Variants in YWHAE observed in about 807,000 individuals in gnomAD.
The protein encoded by YWHAE is 14-3-3 protein epsilon.
A neutral mutation model predicts 30.1 loss-of-function variants in YWHAE; 4 were observed. The observed-to-expected ratio is 0.13, with a 90% CI of 0.07 to 0.30. The LOEUF is 0.30. YWHAE is among the 10% of genes least tolerant of loss of function. The pLI, the probability that YWHAE is intolerant of heterozygous loss-of-function variation, is 1.00. For synonymous variants in YWHAE, 118 were observed against 111.8 expected (o/e 1.06, Z -0.35); for missense variants, 121 against 315.9 (o/e 0.38, Z 4.68).
chr17:1,347,664 A>C (rs375064643), intron 5 of YWHAE, among the ~76,000 whole-genome samples: 3 of 152,310 alleles, frequency 2.0e-5, no homozygotes, highest in African/African-American at 7.2e-5. Context: ...AGGAACATTC[A>C]CTCTAACAGC....
At chr17:1,348,222 T>C (rs954679775) in intron 5 of YWHAE, among the ~76,000 whole-genome samples, 5 of 152,138 alleles carry the variant, frequency 3.3e-5, no homozygotes, top group African/African-American at 9.7e-5. Context: ...CATACAGATA[T>C]TAGGGGAAAA....
chr17:1,375,241 A>C (rs2150863360), intron 1 of YWHAE, among the ~76,000 whole-genome samples: 2 of 152,290 alleles, frequency 1.3e-5, no homozygotes, highest in South Asian at 4.1e-4. Flanking sequence ...ACAGAAACAT[A>C]ATACTAATGA....
intron 1 of YWHAE, among the ~76,000 whole-genome samples, chr17:1,395,604 T>C (rs2073457550): frequency 6.6e-6 from 1 of 152,188 alleles, no homozygotes; most frequent in Admixed American, 6.5e-5. Flanking sequence ...TCCAGAAAGT[T>C]AGTCCATTAA....
intron 5 of YWHAE, 31 bp from the exon 6 acceptor site, chr17:1,345,530 C>T (rs201423441): frequency 1.6e-5 from 26 of 1,607,012 alleles, no homozygotes; most frequent in East Asian, 4.5e-5. Flanking sequence ...TCAATTATTT[C>T]GTATTGACTA....
chr17:1,362,401 G>T (rs1174352943), intron 2 of YWHAE, among the ~76,000 whole-genome samples: 1 of 152,092 alleles, frequency 6.6e-6, no homozygotes, highest in South Asian at 2.1e-4. Context: ...ATTGCTCTAA[G>T]ATCAACAATT....
chr17:1,367,354 G>GC (rs1228567743), intron 1 of YWHAE, among the ~76,000 whole-genome samples: 1 of 152,170 alleles, frequency 6.6e-6, no homozygotes, highest in Non-Finnish European at 1.5e-5. Flanking sequence ...TGTAATCCCA[G>GC]CATTTGGGGA....
chr17:1,349,059 T>C (rs2072574151), intron 5 of YWHAE, among the ~76,000 whole-genome samples: 2 of 149,174 alleles, frequency 1.3e-5, no homozygotes, highest in Non-Finnish European at 3.0e-5. Context: ...GATGTAATAC[T>C]AGGCCAGGTG....
chr17:1,380,715 T>C (rs1486241601), intron 1 of YWHAE, among the ~76,000 whole-genome samples: 1 of 152,188 alleles, frequency 6.6e-6, no homozygotes, highest in African/African-American at 2.4e-5. Context: ...CTAAGTCTAA[T>C]AAAGCCTTTT....
intron 1 of YWHAE, among the ~76,000 whole-genome samples, chr17:1,370,277 T>C (rs557057416): frequency 7.1e-4 from 104 of 146,154 alleles, no homozygotes; most frequent in Non-Finnish European, 9.2e-4. Context: ...CAGGCGCCCG[T>C]CACCATGCCC....
chr17:1,377,814 C>CG (rs1458196281), intron 1 of YWHAE, among the ~76,000 whole-genome samples: 1 of 151,962 alleles, frequency 6.6e-6, no homozygotes, highest in Non-Finnish European at 1.5e-5. Flanking sequence ...TTTGGGAGGC[C>CG]GAGGCAGGTG....
chr17:1,355,956 T>C lies in YWHAE; in HGVS notation c.579-1609A>G, dbSNP rs1248037452. Among the ~76,000 whole-genome samples the C allele has an allele frequency of 4.6e-5, 7 of 151,928 alleles. No individual in the cohort carries two copies. The East Asian group carries it at 1.2e-3, about 25-fold the overall frequency. On this transcript the variant is annotated intron_variant, in intron 4 of 5. Transcript: ENST00000264335. ...GGCAGAAGCGGGCGGATCACGTGGT[T>C]AGGAGATCGAGACCATCCTGGCTAA... is the stretch of plus-strand genomic sequence containing the variant.
At chr17:1,366,066 A>C (rs1307734357) in intron 1 of YWHAE, among the ~76,000 whole-genome samples, 1 of 152,022 alleles carries the variant, frequency 6.6e-6, no homozygotes, top group Non-Finnish European at 1.5e-5. Flanking sequence ...AAATACAAAA[A>C]TTAGCTGGGC....
chr17:1,356,795 C>G (rs1258304467), intron 4 of YWHAE, among the ~76,000 whole-genome samples: 1 of 133,144 alleles, frequency 7.5e-6, no homozygotes, highest in Non-Finnish European at 1.6e-5. Flanking sequence ...CCTGTCTCTA[C>G]TAAAAATGCA....
At chr17:1,365,876 G>A (rs1431480104) in intron 1 of YWHAE, among the ~76,000 whole-genome samples, 1 of 152,118 alleles carries the variant, frequency 6.6e-6, no homozygotes, top group East Asian at 1.9e-4. Flanking sequence ...TGAGAGCTGA[G>A]GCAGGAGAAT....
intron 1 of YWHAE, among the ~76,000 whole-genome samples, chr17:1,368,168 C>T (rs2072974673): frequency 6.6e-6 from 1 of 152,078 alleles, no homozygotes; most frequent in Non-Finnish European, 1.5e-5. Flanking sequence ...AGGCAGATCA[C>T]CTGAGGTCGG....
rs869230957 is a variant in YWHAE, at chr17:1,355,116, TAAAAA to T, written c.579-774_579-770del. On this transcript the variant is annotated intron_variant, in intron 4 of 5. Coordinates refer to ENST00000264335, the MANE Select transcript of YWHAE (RefSeq NM_006761.5). ...ACACACTACCACCCCCAAGATTTTT[TAAAAA>T]AAAAAAAAAAAAAAAAAAAAAAAAA... is the stretch of plus-strand genomic sequence containing the variant. 4.3e-3 allele frequency among the ~76,000 whole-genome samples: 73 copies of T among 17,170 alleles called. 2 individuals are homozygous for T. The South Asian group carries it at 0.13, about 31-fold the overall frequency. The allele number at this position is 17,170 out of a possible 152,430, so 11.3% of individuals were successfully genotyped here. A position where few individuals can be genotyped will look rare whatever the true frequency, so the allele number is the denominator to read the frequency against.
chr17:1,387,239 C>T (rs1339021452), intron 1 of YWHAE, among the ~76,000 whole-genome samples: 1 of 152,060 alleles, frequency 6.6e-6, no homozygotes, highest in East Asian at 1.9e-4. Flanking sequence ...TCCCCTGCTC[C>T]ATCAGAATGG....
intron 1 of YWHAE, among the ~76,000 whole-genome samples, chr17:1,381,577 G>A (rs938664516): frequency 6.6e-6 from 1 of 151,926 alleles, no homozygotes; most frequent in African/African-American, 2.4e-5. Flanking sequence ...ATGTAAAGGG[G>A]GGAGGGGAAT....
intron 1 of YWHAE, among the ~76,000 whole-genome samples, chr17:1,390,677 A>G (rs2073376102): frequency 6.6e-6 from 1 of 152,242 alleles, no homozygotes; most frequent in Non-Finnish European, 1.5e-5. Context: ...CTGCCAAATG[A>G]TGAAATACTG....
Sources: allele counts gnomAD v4.1 joint callset (sites outside exome capture counted in the v4.1 genomes callset), GRCh38; gene constraint gnomAD v4.1.1; transcripts MANE v1.5; gene names NCBI Gene and HGNC (gene_info 2026-07-23, HGNC 2026-07-21).